Variants in SPRR2B observed in about 807,000 individuals in gnomAD.
SPRR2B encodes small proline-rich protein 2B.
Under a neutral mutation model 1.0 loss-of-function variants are expected in SPRR2B, and 1 was observed. That is an observed-to-expected ratio of 1.01 (90% CI 0.36 to 4.77). The LOEUF is 4.77. SPRR2B is among the 30% of genes most tolerant of loss of function. SPRR2B has a pLI of 0.16. For synonymous variants in SPRR2B, 27 were observed against 33.4 expected, an observed-to-expected ratio of 0.81 and a Z score of 0.66; for missense variants, 53 against 88.7, an observed-to-expected ratio of 0.60 and a Z score of 1.62.
upstream of SPRR2B, among the ~76,000 whole-genome samples, chr1:153,075,967 T>C (rs1654760442): frequency 6.6e-6 from 1 of 151,956 alleles, no homozygotes; most frequent in African/African-American, 2.4e-5. Context: ...ATTCAGATAA[T>C]AAAAAAAAGT....
the SPRR2B span, among the ~76,000 whole-genome samples, chr1:153,080,346 C>T: frequency 6.6e-6 from 1 of 151,966 alleles, no homozygotes; most frequent in Non-Finnish European, 1.5e-5. Context: ...AACACTCCAC[C>T]CAACAGCAGC....
At chr1:153,078,829 T>C in the SPRR2B span, among the ~76,000 whole-genome samples, 1 of 152,234 alleles carries the variant, frequency 6.6e-6, no homozygotes, top group South Asian at 2.1e-4. Flanking sequence ...AACATATGTG[T>C]GCATTTGTCT....
chr1:153,076,903 C>T, the SPRR2B span, among the ~76,000 whole-genome samples: 2 of 152,192 alleles, frequency 1.3e-5, no homozygotes, highest in Non-Finnish European at 2.9e-5. Context: ...CTCACAAAGA[C>T]ATGGTTGAAT....
chr1:153,070,496 GC>G lies in SPRR2B; in HGVS notation c.*124del, dbSNP rs112227433. On this transcript the variant is annotated 3_prime_UTR_variant, in exon 2 of 2. Transcript: ENST00000368755. ...AGGGAACATCATGGGCAGATCACAG[GC>G]TAAGGGGAAAGAAGCTCCCTATGAA... The G allele has an allele frequency of 9.3e-6, 14 of 1,498,106 alleles. No homozygotes were observed. In the African/African-American group the frequency reaches 1.3e-4, roughly 13 times the overall value. 92.8% of individuals were successfully genotyped at this position (1,498,106 alleles called of 1,614,324 possible). A position where few individuals can be genotyped will look rare whatever the true frequency, so the allele number is the denominator to read the frequency against.
In SPRR2B at chr1:153,070,460, CT is replaced by C; in HGVS notation, c.*160del. ...AGTATGGCAGCCTTAGAAAGGAAAC[CT>C]TTTGCTATCAGGGAACATCATGGGC... is the stretch of plus-strand genomic sequence containing the variant. On this transcript the variant is annotated 3_prime_UTR_variant, in exon 2 of 2. Coordinates refer to ENST00000368755, the MANE Select transcript of SPRR2B (RefSeq NM_001388198.1). 2 of 1,358,706 alleles carry C rather than the reference CT, an allele frequency of 1.5e-6. No homozygotes were observed. Among genetic ancestry groups the C allele is most frequent in the Non-Finnish European group, 2.0e-6 (2 of 1,009,690 alleles). The allele number at this position is 1,358,706 out of a possible 1,614,324, so 84.2% of individuals were successfully genotyped here.
At position 153,070,531 on chromosome 1, in the gene SPRR2B, A is replaced by C. The variant is rs907773340; in HGVS notation, c.*90T>G. On this transcript the variant is annotated 3_prime_UTR_variant, in exon 2 of 2. Transcript: ENST00000368755. ...AAGAAGCTCCCTATGAATCCATGAT[A>C]AGCTTTGATGAGAAGATGAAGGTGG... 6.5e-7 allele frequency: 1 copy of C among 1,546,908 alleles called. No homozygotes were observed. The highest frequency in any genetic ancestry group is 8.7e-7 in the Non-Finnish European group (1 of 1,145,452).
At chr1:153,078,057 AAAG>A in the SPRR2B span, among the ~76,000 whole-genome samples, 1 of 152,250 alleles carries the variant, frequency 6.6e-6, no homozygotes, top group Non-Finnish European at 1.5e-5. Context: ...GTAAATGCAG[AAAG>A]AAGACCTTTC....
chr1:153,077,572 CAA>C, the SPRR2B span, among the ~76,000 whole-genome samples: 1 of 141,304 alleles, frequency 7.1e-6, no homozygotes. Context: ...TTTGTGAACG[CAA>C]AAAAAAAAGG....
the SPRR2B span, among the ~76,000 whole-genome samples, chr1:153,081,829 T>TCTTTTC: frequency 7.0e-6 from 1 of 143,128 alleles, no homozygotes; most frequent in South Asian, 2.2e-4. Context: ...TCTTTTCTTT[T>TCTTTTC]TTTTTTTTTT....
chr1:153,086,991 A>G, the SPRR2B span, among the ~76,000 whole-genome samples: 1 of 152,204 alleles, frequency 6.6e-6, no homozygotes, highest in Admixed American at 6.5e-5. Flanking sequence ...TGGATAAATA[A>G]TCAAATTAAG....
the SPRR2B span, among the ~76,000 whole-genome samples, chr1:153,085,236 G>A: frequency 2.6e-5 from 4 of 152,160 alleles, no homozygotes; most frequent in Non-Finnish European, 5.9e-5. Context: ...TCACTGAGAT[G>A]TAGGAGTATG....
At chr1:153,075,681 A>T (rs1654756962), upstream of SPRR2B, among the ~76,000 whole-genome samples, 1 of 151,514 alleles carries the variant, frequency 6.6e-6, no homozygotes, top group Non-Finnish European at 1.5e-5. Context: ...AATCAAAGAG[A>T]TAGGGGCAAA....
chr1:153,072,859 A>G (rs141964769), upstream of SPRR2B, among the ~76,000 whole-genome samples: 21 of 152,138 alleles, frequency 1.4e-4, no homozygotes, highest in Non-Finnish European at 2.6e-4. Context: ...CCTGCAATCA[A>G]TGGGGCTTAC....
the SPRR2B span, among the ~76,000 whole-genome samples, chr1:153,087,644 G>A: frequency 0.11 from 15,416 of 136,256 alleles, 2,075 homozygotes; most frequent in East Asian, 0.49. Context: ...AGAAAATATA[G>A]AAAAAACAAA....
chr1:153,073,831 A>G (rs538313876), upstream of SPRR2B, among the ~76,000 whole-genome samples: 3 of 152,002 alleles, frequency 2.0e-5, no homozygotes, highest in African/African-American at 7.2e-5. Context: ...TATTACTTCT[A>G]CTCCATAATT....
chr1:153,078,605 C>T, the SPRR2B span, among the ~76,000 whole-genome samples: 16 of 150,620 alleles, frequency 1.1e-4, no homozygotes, highest in Non-Finnish European at 1.5e-4. Flanking sequence ...TGAGTGAGAA[C>T]ATGCGGTGTT....
chr1:153,082,746 C>A, the SPRR2B span, among the ~76,000 whole-genome samples: 1 of 151,010 alleles, frequency 6.6e-6, no homozygotes, highest in East Asian at 1.9e-4. Flanking sequence ...TAACCACATA[C>A]ATTTTTAATG....
chr1:153,072,257 T>C (rs440598), upstream of SPRR2B, among the ~76,000 whole-genome samples: 86,066 of 151,962 alleles, frequency 0.57, 25,182 homozygotes, highest in African/African-American at 0.72. Flanking sequence ...ACACACCTCT[T>C]ATAGAGGCAC....
chr1:153,086,103 A>G, the SPRR2B span, among the ~76,000 whole-genome samples: 1 of 152,242 alleles, frequency 6.6e-6, no homozygotes, highest in African/African-American at 2.4e-5. Flanking sequence ...GACCAGTGAC[A>G]CTATAAGGCA....
Sources: gnomAD v4.1 joint callset for allele counts (sites outside exome capture counted in the v4.1 genomes callset) on GRCh38, gnomAD v4.1.1 for gene constraint, MANE v1.5 for transcripts, NCBI Gene and HGNC (gene_info 2026-07-23, HGNC 2026-07-21) for gene names.